The following MTBP variants were observed in gnomAD, a reference collection of about 807,000 sequenced individuals.
MTBP encodes MDM2 binding protein.
MTBP carries 101 observed loss-of-function variants against 117.0 expected under a neutral mutation model. The observed-to-expected ratio is 0.86, with a 90% CI of 0.73 to 1.02. The LOEUF (loss-of-function observed/expected upper bound fraction) is 1.02. MTBP is among the 50% of genes least tolerant of loss of function. The pLI is 0.00. For synonymous variants in MTBP, 350 were observed against 351.5 expected (o/e 1.00, Z 0.05); for missense variants, 970 against 1,030.9 (o/e 0.94, Z 0.81).
chr8:120,513,166 C>T (rs969484319), intron 17 of MTBP, among the ~76,000 whole-genome samples: 1 of 152,052 alleles, frequency 6.6e-6, no homozygotes, highest in African/African-American at 2.4e-5. Flanking sequence ...TGCTGTCATA[C>T]TCTGACAATC....
At chr8:120,449,894 A>C (rs1311494978) in intron 2 of MTBP, among the ~76,000 whole-genome samples, 1 of 152,164 alleles carries the variant, frequency 6.6e-6, no homozygotes, top group Non-Finnish European at 1.5e-5. Context: ...GAGACAAAAA[A>C]CAGATTGAAA....
intron 20 of MTBP, among the ~76,000 whole-genome samples, chr8:120,520,686 C>A (rs994662802): frequency 6.6e-6 from 1 of 151,854 alleles, no homozygotes; most frequent in Admixed American, 6.6e-5. Flanking sequence ...TATAGTGAAT[C>A]AATAATCAGA....
chr8:120,490,802 A>C, intron 13 of MTBP: 1 of 297,512 alleles, frequency 3.4e-6, no homozygotes, highest in Non-Finnish European at 6.1e-6. Context: ...GTATTTCAAC[A>C]GGCAAATTTT....
chr8:120,445,453 G>C lies in MTBP; in HGVS notation c.-18G>C, dbSNP rs1005971403. The C allele has an allele frequency of 1.9e-6, 3 of 1,604,008 alleles. No individual in the cohort carries two copies. The highest frequency in any genetic ancestry group is 2.7e-5 in the African/African-American group (2 of 74,766). On this transcript the variant is annotated 5_prime_UTR_variant, in exon 1 of 22. Transcript: ENST00000305949. ...TGTGGAAGCCGAGACCTAAAGTTGG[G>C]GGGTGATCTCTGAGGAGATGGATCG...
At chr8:120,502,667 T>A (rs1814610517) in intron 15 of MTBP, 58 bp downstream of exon 15, 8 of 1,032,920 alleles carry the variant, frequency 7.7e-6, no homozygotes, top group South Asian at 3.2e-5. Context: ...ATGAATTTTT[T>A]AAAATAGTTA....
At chr8:120,517,696 G>A (rs554599911) in intron 18 of MTBP, among the ~76,000 whole-genome samples, 155 bp from the exon 19 acceptor site, 16 of 151,762 alleles carry the variant, frequency 1.1e-4, no homozygotes, top group Admixed American at 2.6e-4. Context: ...TGTAATAACA[G>A]TGGTATAATA....
intron 2 of MTBP, 134 bp downstream of exon 2, chr8:120,446,647 A>G (rs1813234169): frequency 1.7e-6 from 1 of 577,942 alleles, no homozygotes; most frequent in African/African-American, 1.8e-5. Context: ...GAGATAACTA[A>G]GGGAGTACAA....
intron 14 of MTBP, among the ~76,000 whole-genome samples, chr8:120,501,016 C>A (rs1192350246): frequency 6.6e-6 from 1 of 152,008 alleles, no homozygotes; most frequent in African/African-American, 2.4e-5. Context: ...ATGGTGAAAC[C>A]CCGTCCCTAC....
At chr8:120,483,802 A>G (rs1027885438) in intron 11 of MTBP, among the ~76,000 whole-genome samples, 5 of 152,138 alleles carry the variant, frequency 3.3e-5, no homozygotes, top group Non-Finnish European at 7.4e-5. Flanking sequence ...CCAACACCTT[A>G]TCAAATAATA....
intron 20 of MTBP, among the ~76,000 whole-genome samples, chr8:120,520,794 GAAA>G (rs932215545): frequency 2.6e-5 from 1 of 38,536 alleles, no homozygotes; most frequent in Non-Finnish European, 1.3e-4. Context: ...ATTAAAAAAA[GAAA>G]AAAGAAAAAA....
Position 120,518,044 on chromosome 8 carries a change from C to A in MTBP, c.2440C>A (p.His814Asn). ...TKTSSGQKSM[H>N]ESKTSRQIKE... is the part of the protein sequence containing the mutation. ...GACCAGTTCAGGTCAAAAAAGTATG[C>A]ATGAATCAAAAACATCAAGGCAAAT... Residue 814 changes from histidine to asparagine, a missense_variant, in exon 19 of 22, where the codon CAT becomes AAT. By Grantham distance (68) the His-to-Asn change is moderately conservative. Coordinates refer to ENST00000305949, the MANE Select transcript of MTBP (RefSeq NM_022045.5). 1.9e-6 allele frequency: 3 copies of A among 1,612,688 alleles called. No homozygotes were observed. Among genetic ancestry groups the A allele is most frequent in the Non-Finnish European group, 2.5e-6 (3 of 1,179,072 alleles).
intron 12 of MTBP, 138 bp downstream of exon 12, chr8:120,488,470 C>A: frequency 3.1e-6 from 2 of 641,536 alleles, no homozygotes; most frequent in Non-Finnish European, 4.6e-6. Context: ...CATTAATTTA[C>A]CTTTTATTTA....
intron 13 of MTBP, among the ~76,000 whole-genome samples, chr8:120,494,363 G>A (rs1814409835): frequency 6.6e-6 from 1 of 152,194 alleles, no homozygotes; most frequent in African/African-American, 2.4e-5. Flanking sequence ...TAGTCTAGAA[G>A]TGTTTTAAAA....
Position 120,518,822 on chromosome 8 carries a change from G to A in MTBP, c.2610+5G>A, listed in dbSNP as rs754034185. ...ATCTCTAAGTTCTATCTAAAGGTAC[G>A]GTATCTTCTCTACTAATGGCAAAAT... On this transcript the variant is annotated splice_donor_5th_base_variant and intron_variant, in intron 20 of 21. Coordinates refer to ENST00000305949, the MANE Select transcript of MTBP (RefSeq NM_022045.5). 58 of 1,589,708 alleles carry A rather than the reference G, an allele frequency of 3.6e-5. 2 individuals carry two copies. The highest frequency in any genetic ancestry group is 2.8e-4 in the South Asian group (25 of 88,694).
Position 120,459,092 on chromosome 8 carries a change from TGAG to T in MTBP, c.748-120_748-118del. 3.8e-6 allele frequency: 3 copies of T among 781,390 alleles called. No homozygotes were observed. The South Asian group carries it at 5.6e-5, about 15-fold the overall frequency. 48.4% of individuals were successfully genotyped at this position (781,390 alleles called of 1,614,324 possible). On this transcript the variant is annotated intron_variant, in intron 7 of 21. Coordinates refer to ENST00000305949, the MANE Select transcript of MTBP (RefSeq NM_022045.5). The stretch of plus-strand genomic sequence containing the variant: ...AAATGTGAGAAGCACACTTTTGAGC[TGAG>T]GAATCAAAAATAAATTTATACATGG...
intron 12 of MTBP, among the ~76,000 whole-genome samples, chr8:120,489,895 T>C (rs1814307015): frequency 6.6e-6 from 1 of 152,134 alleles, no homozygotes; most frequent in South Asian, 2.1e-4. Context: ...CATCCTGCTT[T>C]TAGGGGACAG....
At chr8:120,493,424 T>C (rs1431773752) in intron 13 of MTBP, among the ~76,000 whole-genome samples, 1 of 152,126 alleles carries the variant, frequency 6.6e-6, no homozygotes, top group African/African-American at 2.4e-5. Flanking sequence ...ACAGGTTTAA[T>C]AAATATAGGT....
At chr8:120,495,795 C>T (rs1814441178) in intron 13 of MTBP, among the ~76,000 whole-genome samples, 1 of 151,702 alleles carries the variant, frequency 6.6e-6, no homozygotes, top group Admixed American at 6.6e-5. Flanking sequence ...GTACTTATTT[C>T]ATGGGTGCAG....
chr8:120,482,596 A>G (rs994175116), intron 11 of MTBP, among the ~76,000 whole-genome samples: 2 of 152,194 alleles, frequency 1.3e-5, no homozygotes, highest in African/African-American at 2.4e-5. Flanking sequence ...ATATTACTTA[A>G]TTGTTTAAAA....
Sources: allele counts gnomAD v4.1 joint callset (sites outside exome capture counted in the v4.1 genomes callset), GRCh38; gene constraint gnomAD v4.1.1; transcripts MANE v1.5; gene names NCBI Gene and HGNC (gene_info 2026-07-23, HGNC 2026-07-21).